The following DLC1 variants were observed in gnomAD, a reference collection of about 807,000 sequenced individuals.
The protein encoded by DLC1 is DLC1 Rho GTPase activating protein.
DLC1 carries 54 observed loss-of-function variants against 140.3 expected under a neutral mutation model. That is an observed-to-expected ratio of 0.38 (90% CI 0.31 to 0.48). The LOEUF (loss-of-function observed/expected upper bound fraction) is 0.48. DLC1 is among the 20% of genes least tolerant of loss of function. The probability of loss-of-function intolerance (pLI) is 0.96; values close to 1 mark genes in which losing one functional copy is unlikely to be tolerated. For missense variants in DLC1, 2,536 were observed against 1,907.0 expected, an observed-to-expected ratio of 1.33 and a Z score of -6.14; for synonymous variants, 986 against 728.1, an observed-to-expected ratio of 1.35 and a Z score of -5.70.
chr8:13,305,278 C>G lies in DLC1; in HGVS notation c.1339G>C (p.Glu447Gln). The change falls in exon 5 of 18, where the codon GAA becomes CAA. Residue 447 changes from glutamate to glutamine, a missense_variant. By Grantham distance (29) the Glu-to-Gln change is conservative (BLOSUM62 2). Transcript: ENST00000276297. ...TTAIQGISEK[E>Q]KAEIEAKEAC... ...CAAAATGTCAACTTACCAGCCTTTT[C>G]CTTCTCTGAAATACCTTGAATAGCC... 1 of 1,607,550 alleles carries G rather than the reference C, an allele frequency of 6.2e-7. No individual in the cohort carries two copies. Among genetic ancestry groups the G allele is most frequent in the East Asian group, 2.2e-5 (1 of 44,656 alleles).
In DLC1 at chr8:13,426,944, A is replaced by C. The variant is rs541818067; in HGVS notation, c.1024-25325T>G. Among the ~76,000 whole-genome samples the C allele has an allele frequency of 2.6e-5, 4 of 152,236 alleles. No individual in the cohort carries two copies. The East Asian group carries it at 7.7e-4, about 29-fold the overall frequency. The stretch of plus-strand genomic sequence containing the variant: ...TCACGAGTTTTTGTTAATGTTGTCA[A>C]GTTTAAGCCTATAACTTGCCGTGCT... On this transcript the variant is annotated intron_variant, in intron 2 of 17. Coordinates refer to ENST00000276297, the MANE Select transcript of DLC1 (RefSeq NM_182643.3).
intron 1 of DLC1, among the ~76,000 whole-genome samples, chr8:13,582,373 C>A (rs544963868): frequency 6.6e-6 from 1 of 152,220 alleles, no homozygotes. Context: ...CTGGGTGTGT[C>A]TGTGAGGGTG....
At chr8:13,184,452 C>G (rs1221273736) in intron 5 of DLC1, among the ~76,000 whole-genome samples, 2 of 152,182 alleles carry the variant, frequency 1.3e-5, no homozygotes, top group South Asian at 2.1e-4. Context: ...AGAAATTTCC[C>G]TCTACACTCT....
intron 5 of DLC1, among the ~76,000 whole-genome samples, chr8:13,218,974 G>GTATATAAC (rs1334776021): frequency 1.7e-5 from 1 of 59,808 alleles, no homozygotes; most frequent in Non-Finnish European, 3.0e-5. Flanking sequence ...AATTATATAC[G>GTATATAAC]TATATAACTA....
chr8:13,186,095 T>G (rs1826354916), intron 5 of DLC1, among the ~76,000 whole-genome samples: 1 of 152,196 alleles, frequency 6.6e-6, no homozygotes. Context: ...TTTCTGCATT[T>G]CAACCTTGGT....
chr8:13,303,608 C>T (rs1449542225), intron 5 of DLC1, among the ~76,000 whole-genome samples: 1 of 152,042 alleles, frequency 6.6e-6, no homozygotes, highest in African/African-American at 2.4e-5. Context: ...TTGAGACTAG[C>T]CTGGCCAACA....
At chr8:13,401,669 A>G in intron 2 of DLC1, 50 bp from the exon 3 acceptor site, 1 of 1,576,204 alleles carries the variant, frequency 6.3e-7, no homozygotes, top group South Asian at 1.2e-5. Flanking sequence ...ATTTCTTAAT[A>G]AGAATAAAAA....
intron 1 of DLC1, chr8:13,559,524 A>G (rs1804170229): frequency 6.6e-6 from 1 of 152,212 alleles, no homozygotes. Flanking sequence ...GATTCATCTC[A>G]AATAAAATAA....
At chr8:13,115,258 T>A (rs369953854) in intron 6 of DLC1, among the ~76,000 whole-genome samples, 1 of 152,206 alleles carries the variant, frequency 6.6e-6, no homozygotes, top group East Asian at 1.9e-4. Flanking sequence ...CTACCCTTTT[T>A]ATAAACGTAA....
rs138714343 is a variant in DLC1 at position 13,339,067 on chromosome 8, A to T, written c.1315-33765T>A. Among the ~76,000 whole-genome samples, 1,028 of 152,354 alleles carry T rather than the reference A, an allele frequency of 6.7e-3. 11 individuals carry two copies. Among genetic ancestry groups the T allele is most frequent in the African/African-American group, 0.023 (954 of 41,582 alleles). ...AGGTAATTTCTATGAATACGGGCTC[A>T]GTAAATGTTTGCAGAATGATTGGTA... On this transcript the variant is annotated intron_variant, in intron 4 of 17. Coordinates refer to ENST00000276297, the MANE Select transcript of DLC1 (RefSeq NM_182643.3).
chr8:13,579,516 AATATATTATATT>A (rs1804999151), intron 1 of DLC1, among the ~76,000 whole-genome samples: 1 of 112,978 alleles, frequency 8.9e-6, no homozygotes, highest in African/African-American at 3.6e-5. Context: ...TTATATATTT[AATATATTATATT>A]TTATATTATA....
chr8:13,105,199 A>G (rs778333066), intron 7 of DLC1, among the ~76,000 whole-genome samples: 1 of 152,188 alleles, frequency 6.6e-6, no homozygotes, highest in African/African-American at 2.4e-5. Context: ...AAAGGTCAAC[A>G]TTACCTTTTT....
chr8:13,334,519 C>G (rs570765437), intron 4 of DLC1, among the ~76,000 whole-genome samples: 120 of 152,226 alleles, frequency 7.9e-4, no homozygotes, highest in African/African-American at 2.9e-3. Context: ...AGGCAGGAGA[C>G]CAGCTAGGAA....
chr8:13,391,670 G>A (rs1269983546), intron 4 of DLC1, among the ~76,000 whole-genome samples: 1 of 152,068 alleles, frequency 6.6e-6, no homozygotes, highest in African/African-American at 2.4e-5. Flanking sequence ...TATAAACACA[G>A]GGGTAACTGA....
rs1361885820 is a variant in DLC1 at position 13,088,708 on chromosome 8, G to A, written c.4075-4C>T. On this transcript the variant is annotated splice_polypyrimidine_tract_variant and splice_region_variant and intron_variant, in intron 15 of 17. Coordinates refer to ENST00000276297, the MANE Select transcript of DLC1 (RefSeq NM_182643.3). ...TCAGAGGGGGTCCTTCGCTCACCTG[G>A]AAAGAGGATGTATTTTTCAGTGCCA... 5.0e-6 allele frequency: 8 copies of A among 1,613,618 alleles called. No homozygotes were observed. The highest frequency in any genetic ancestry group is 1.7e-5 in the Admixed American group (1 of 59,944).
intron 1 of DLC1, among the ~76,000 whole-genome samples, chr8:13,548,235 A>G (rs1803719552): frequency 6.6e-6 from 1 of 151,388 alleles, no homozygotes; most frequent in Non-Finnish European, 1.5e-5. Flanking sequence ...CGCCTACCCG[A>G]CCCTACACCT....
chr8:13,099,367 A>G lies in DLC1; in HGVS notation c.2970T>C (p.Ala990=), dbSNP rs751738714. Residue 990 remains alanine (A), a synonymous_variant, in exon 9 of 18, where the codon GCT becomes GCC. Transcript: ENST00000276297. ...CTTACCTGTTGGACCTGGTTAGGGA[A>G]GCCCCAACCCCAGAATCCCTTCTTT... ...IPERRDSGVG[A]SLTRSNRHRL... is the part of the protein sequence containing the mutation. The G allele has an allele frequency of 6.2e-7, 1 of 1,613,648 alleles. No homozygotes were observed. The highest frequency in any genetic ancestry group is 8.5e-7 in the Non-Finnish European group (1 of 1,179,900).
intron 4 of DLC1, among the ~76,000 whole-genome samples, chr8:13,350,228 C>T (rs1834578595): frequency 6.6e-6 from 1 of 152,134 alleles, no homozygotes; most frequent in Non-Finnish European, 1.5e-5. Context: ...TTTAAACATA[C>T]CCTAACGATA....
intron 1 of DLC1, among the ~76,000 whole-genome samples, chr8:13,546,060 A>T (rs1803639451): frequency 6.6e-6 from 1 of 152,130 alleles, no homozygotes. Context: ...ACAATCTTTT[A>T]TGCCGTCTTG....
Sources: allele counts gnomAD v4.1 joint callset (sites outside exome capture counted in the v4.1 genomes callset), GRCh38; gene constraint gnomAD v4.1.1; transcripts MANE v1.5; gene names NCBI Gene and HGNC (gene_info 2026-07-23, HGNC 2026-07-21).